CNTNAP2: variants seen among roughly 807,000 people sequenced by gnomAD.
CNTNAP2 encodes contactin associated protein 2.
Under a neutral mutation model 155.2 loss-of-function variants are expected in CNTNAP2, and 98 were observed. That is an observed-to-expected ratio of 0.63 (90% confidence interval 0.54 to 0.75). CNTNAP2 has a LOEUF of 0.75. Among genes scored for constraint, CNTNAP2 ranks in the 30% least tolerant of loss-of-function variants. CNTNAP2 has a pLI of 0.00. For missense variants in CNTNAP2, 1,727 were observed against 1,688.1 expected (o/e 1.02, Z -0.40); for synonymous variants, 651 against 631.2 (o/e 1.03, Z -0.47).
intron 3 of CNTNAP2, among the ~76,000 whole-genome samples, chr7:146,842,993 A>ATTT (rs1257696854): frequency 1.7e-4 from 4 of 24,210 alleles, no homozygotes; most frequent in Non-Finnish European, 2.3e-4. Context: ...CCTGTCCCAC[A>ATTT]CTTTTTTTTT....
At chr7:146,628,802 T>C (rs1323404692) in intron 1 of CNTNAP2, among the ~76,000 whole-genome samples, 1 of 152,058 alleles carries the variant, frequency 6.6e-6, no homozygotes, top group East Asian at 1.9e-4. Flanking sequence ...AGAAACTAGA[T>C]CAAAGTGTTA....
intron 1 of CNTNAP2, among the ~76,000 whole-genome samples, chr7:146,461,130 G>A (rs551335087): frequency 1.4e-4 from 22 of 152,108 alleles, no homozygotes; most frequent in Admixed American, 4.6e-4. Flanking sequence ...AAGGCTGGGC[G>A]CGGTGGCTCA....
chr7:147,532,135 G>A (rs1360602017), intron 11 of CNTNAP2, among the ~76,000 whole-genome samples: 1 of 152,070 alleles, frequency 6.6e-6, no homozygotes, highest in East Asian at 1.9e-4. Flanking sequence ...ACATAGTCAG[G>A]CTGCAAATTT....
At chr7:147,605,580 G>C (rs1455469888) in intron 12 of CNTNAP2, among the ~76,000 whole-genome samples, 1 of 152,058 alleles carries the variant, frequency 6.6e-6, no homozygotes, top group Non-Finnish European at 1.5e-5. Flanking sequence ...TCACAATCTG[G>C]GCATGGTGTC....
At chr7:146,941,230 A>G (rs1797049587) in intron 3 of CNTNAP2, among the ~76,000 whole-genome samples, 1 of 152,016 alleles carries the variant, frequency 6.6e-6, no homozygotes, top group Admixed American at 6.6e-5. Flanking sequence ...CTAGTGGTAC[A>G]ATTATTTTGT....
At chr7:146,918,405 T>G (rs1004557529) in intron 3 of CNTNAP2, among the ~76,000 whole-genome samples, 2 of 152,190 alleles carry the variant, frequency 1.3e-5, no homozygotes, top group African/African-American at 4.8e-5. Flanking sequence ...AAAATTTGTT[T>G]GTCTGAAAAA....
rs964912991 is a variant in CNTNAP2 at position 147,353,608 on chromosome 7, T to C, written c.1499-42001T>C. ...TATGAACAGTGCTGCAGTAAACATA[T>C]GTGTGTATGCGTCTTTAGAGTAGAA... On this transcript the variant is annotated intron_variant, in intron 9 of 23. Coordinates refer to ENST00000361727, the MANE Select transcript of CNTNAP2 (RefSeq NM_014141.6). Among the ~76,000 whole-genome samples the C allele has an allele frequency of 4.1e-4, 62 of 152,112 alleles. 1 individual carries two copies. The highest frequency in any genetic ancestry group is 1.4e-3 in the African/African-American group (59 of 41,430).
chr7:146,406,445 C>A (rs909922295), intron 1 of CNTNAP2, among the ~76,000 whole-genome samples: 1 of 152,168 alleles, frequency 6.6e-6, no homozygotes, highest in African/African-American at 2.4e-5. Context: ...CAATATATTT[C>A]TTTCTAGGAC....
At chr7:148,162,001 C>G (rs971977482) in intron 17 of CNTNAP2, among the ~76,000 whole-genome samples, 1 of 152,172 alleles carries the variant, frequency 6.6e-6, no homozygotes, top group Non-Finnish European at 1.5e-5. Flanking sequence ...CCAGGCTTGA[C>G]CTGGGACTAG....
At chr7:148,074,242 C>T (rs532262240) in intron 15 of CNTNAP2, among the ~76,000 whole-genome samples, 168 of 152,240 alleles carry the variant, frequency 1.1e-3, no homozygotes, top group Middle Eastern at 6.8e-3. Context: ...TATTCCTTTC[C>T]CATTTTTCCT....
intron 10 of CNTNAP2, among the ~76,000 whole-genome samples, chr7:147,458,394 A>G (rs1380404954): frequency 2.6e-5 from 4 of 152,076 alleles, no homozygotes; most frequent in Admixed American, 1.3e-4. Flanking sequence ...GCAAAAGTCT[A>G]CTTATTGAGA....
At chr7:147,063,842 T>TA (rs1799729430) in intron 4 of CNTNAP2, among the ~76,000 whole-genome samples, 1 of 151,988 alleles carries the variant, frequency 6.6e-6, no homozygotes, top group African/African-American at 2.4e-5. Context: ...CAGTGTAATA[T>TA]AAAAAATATA....
rs1350578442 is a variant in CNTNAP2, at chr7:146,968,990, C to T, written c.403-74917C>T. 6.7e-5 allele frequency among the ~76,000 whole-genome samples: 10 copies of T among 149,030 alleles called. 1 individual carries two copies. Among genetic ancestry groups the T allele is most frequent in the African/African-American group, 2.5e-4 (10 of 39,322 alleles). ...TCTACACACTGCTTTGAATGCGTCCCAGAGATTCTGGTATGTTCTGTCTTT... is the reference window on the plus strand; with the variant it reads ...TCTACACACTGCTTTGAATGCGTCCTAGAGATTCTGGTATGTTCTGTCTTT... On this transcript the variant is annotated intron_variant, in intron 3 of 23. Coordinates refer to ENST00000361727, the MANE Select transcript of CNTNAP2 (RefSeq NM_014141.6).
chr7:148,205,129 T>G lies in CNTNAP2; in HGVS notation c.3011-12159T>G, dbSNP rs200874479. ...ACTAAAACCGCGAATTAAAATGGTG[T>G]TTGTCCTCAAGAACCACTAGGGTCA... On this transcript the variant is annotated intron_variant, in intron 18 of 23. Transcript: ENST00000361727. 6.6e-5 allele frequency among the ~76,000 whole-genome samples: 10 copies of G among 152,300 alleles called. No homozygotes were observed. In the East Asian group the frequency reaches 1.7e-3, roughly 26 times the overall value.
At chr7:147,157,571 G>A (rs1390325851) in intron 8 of CNTNAP2, among the ~76,000 whole-genome samples, 10 of 152,024 alleles carry the variant, frequency 6.6e-5, no homozygotes, top group South Asian at 4.1e-4. Flanking sequence ...AACTCTGCTC[G>A]TTTCCTTTAA....
chr7:147,324,922 T>G (rs765513964), intron 9 of CNTNAP2, among the ~76,000 whole-genome samples: 2 of 152,164 alleles, frequency 1.3e-5, no homozygotes, highest in Non-Finnish European at 2.9e-5. Context: ...TTGTTAAAAT[T>G]CACTGCATGC....
chr7:147,497,320 A>G (rs1416200630), intron 11 of CNTNAP2, among the ~76,000 whole-genome samples: 16 of 152,180 alleles, frequency 1.1e-4, no homozygotes, highest in Admixed American at 1.0e-3. Flanking sequence ...CTACTCTTGA[A>G]AGCCCATTCT....
At chr7:148,387,745 C>G (rs897881837) in intron 22 of CNTNAP2, among the ~76,000 whole-genome samples, 10 of 148,518 alleles carry the variant, frequency 6.7e-5, no homozygotes, top group Non-Finnish European at 1.4e-4. Flanking sequence ...TTTTTAAAAC[C>G]CAAAACTACC....
At chr7:146,944,730 T>A (rs1797126582) in intron 3 of CNTNAP2, among the ~76,000 whole-genome samples, 1 of 151,874 alleles carries the variant, frequency 6.6e-6, no homozygotes, top group African/African-American at 2.4e-5. Flanking sequence ...TATAAAAAAA[T>A]TGCTGGACGT....
Sources: gnomAD v4.1 joint callset for allele counts (sites outside exome capture counted in the v4.1 genomes callset) on GRCh38, gnomAD v4.1.1 for gene constraint, MANE v1.5 for transcripts, NCBI Gene and HGNC (gene_info 2026-07-23, HGNC 2026-07-21) for gene names.